RBFOX2: variants seen among roughly 807,000 people sequenced by gnomAD.
RBFOX2 encodes RNA binding protein fox-1 homolog 2.
A neutral mutation model predicts 49.1 loss-of-function variants in RBFOX2; 10 were observed. That is an observed-to-expected ratio of 0.20 (90% CI 0.13 to 0.35). The LOEUF is 0.35. RBFOX2 is among the 10% of genes least tolerant of loss of function. The pLI, the probability that RBFOX2 is intolerant of heterozygous loss-of-function variation, is 1.00. For missense variants in RBFOX2, 323 were observed against 486.9 expected, an observed-to-expected ratio of 0.66 and a Z score of 3.17; for synonymous variants, 183 against 187.4, an observed-to-expected ratio of 0.98 and a Z score of 0.19.
chr22:35,987,081 TA>T (rs922773696), intron 1 of RBFOX2, among the ~76,000 whole-genome samples: 21 of 152,328 alleles, frequency 1.4e-4, no homozygotes, highest in African/African-American at 4.8e-4. Context: ...TTTTGTTTTT[TA>T]GTGACAAGAA....
chr22:35,742,213 CTCTG>C (rs1235200578), exon 12 of RBFOX2: 1 of 152,176 alleles, frequency 6.6e-6, no homozygotes, highest in Non-Finnish European at 1.5e-5. Flanking sequence ...TCCCCTTATT[CTCTG>C]TCTTCCTCCC....
At chr22:35,777,378 C>T (rs976805273) in intron 4 of RBFOX2, among the ~76,000 whole-genome samples, 1 of 152,172 alleles carries the variant, frequency 6.6e-6, no homozygotes, top group African/African-American at 2.4e-5. Context: ...GAGGAAAATA[C>T]ACACGTAAAA....
intron 9 of RBFOX2, chr22:35,752,562 T>C (rs1935346137): frequency 2.2e-6 from 2 of 929,660 alleles, no homozygotes; most frequent in African/African-American, 3.6e-5. Flanking sequence ...TTCAATTTTT[T>C]CACTGCAATC....
At chr22:35,912,504 C>A (rs2149521150) in intron 1 of RBFOX2, among the ~76,000 whole-genome samples, 1 of 152,292 alleles carries the variant, frequency 6.6e-6, no homozygotes, top group East Asian at 1.9e-4. Flanking sequence ...ACAGTGAAAT[C>A]CCCTAAGCTC....
rs1036868829 is a variant in RBFOX2 at position 35,740,516 on chromosome 22, C to T, written c.*3679G>A. ...GGTAACTTATGCTTTTAAAACACCACGACCCCTTCCCCACCCCCCAAAGTC... is the reference window on the plus strand; with the variant it reads ...GGTAACTTATGCTTTTAAAACACCATGACCCCTTCCCCACCCCCCAAAGTC... On this transcript the variant is annotated 3_prime_UTR_variant, in exon 12 of 12. Coordinates refer to ENST00000405409, the Ensembl canonical transcript of RBFOX2. 3.3e-5 allele frequency: 5 copies of T among 152,668 alleles called. No individual in the cohort carries two copies. The South Asian group carries it at 8.3e-4, about 25-fold the overall frequency. The allele number at this position is 152,668 out of a possible 1,614,324, so 9.5% of individuals were successfully genotyped here.
intron 2 of RBFOX2, among the ~76,000 whole-genome samples, chr22:35,805,567 G>A (rs1476088018): frequency 6.6e-6 from 1 of 152,096 alleles, no homozygotes; most frequent in Non-Finnish European, 1.5e-5. Flanking sequence ...GTAGTTTGGT[G>A]GTTTCTTATA....
At chr22:35,897,375 T>C (rs2047982168) in intron 1 of RBFOX2, 4 of 1,136,582 alleles carry the variant, frequency 3.5e-6, no homozygotes, top group Non-Finnish European at 5.4e-6. Flanking sequence ...TGGTGTTGCC[T>C]GAATACCAAG....
intron 1 of RBFOX2, among the ~76,000 whole-genome samples, chr22:35,913,454 A>G (rs1381485503): frequency 6.6e-6 from 1 of 151,224 alleles, no homozygotes; most frequent in Non-Finnish European, 1.5e-5. Context: ...GCCTAACAGG[A>G]TATATATATC....
chr22:35,944,607 T>C (rs1380277728), intron 1 of RBFOX2, among the ~76,000 whole-genome samples: 2 of 152,120 alleles, frequency 1.3e-5, no homozygotes, highest in Non-Finnish European at 2.9e-5. Context: ...TAGCCATAAA[T>C]CCTAAGCATT....
At chr22:35,776,917 G>A (rs1242660428) in intron 4 of RBFOX2, among the ~76,000 whole-genome samples, 1 of 150,696 alleles carries the variant, frequency 6.6e-6, no homozygotes, top group African/African-American at 2.4e-5. Flanking sequence ...GTAAGTCTTT[G>A]CCATTCCCTT....
chr22:35,955,012 G>A (rs920600279), intron 1 of RBFOX2, among the ~76,000 whole-genome samples: 1 of 152,072 alleles, frequency 6.6e-6, no homozygotes, highest in Non-Finnish European at 1.5e-5. Context: ...TTCACACCTT[G>A]GCACGTTCTC....
chr22:35,923,812 GTAAAC>G (rs1264599228), intron 1 of RBFOX2, among the ~76,000 whole-genome samples: 1 of 151,848 alleles, frequency 6.6e-6, no homozygotes, highest in Non-Finnish European at 1.5e-5. Flanking sequence ...AGCAATACCT[GTAAAC>G]TATACAGGAC....
chr22:35,978,877 A>G (rs2057324409), intron 1 of RBFOX2, among the ~76,000 whole-genome samples: 1 of 152,226 alleles, frequency 6.6e-6, no homozygotes. Context: ...TTGGTTCAGG[A>G]AAGAGTAGTC....
At chr22:35,830,830 G>T (rs1192549298) in intron 1 of RBFOX2, among the ~76,000 whole-genome samples, 1 of 151,962 alleles carries the variant, frequency 6.6e-6, no homozygotes, top group Non-Finnish European at 1.5e-5. Context: ...AAAGCAATAA[G>T]GTATAAAATA....
At chr22:35,753,644 A>G (rs1344876002) in intron 9 of RBFOX2, among the ~76,000 whole-genome samples, 2 of 151,998 alleles carry the variant, frequency 1.3e-5, no homozygotes, top group African/African-American at 2.4e-5. Flanking sequence ...AAAAAAACCA[A>G]GAGTATTTTA....
At chr22:35,825,581 T>C (rs1186453165) in intron 1 of RBFOX2, among the ~76,000 whole-genome samples, 2 of 152,230 alleles carry the variant, frequency 1.3e-5, no homozygotes. Context: ...GCAATGAATG[T>C]ACTATTTGTG....
chr22:35,991,139 T>C (rs910667992), intron 1 of RBFOX2, among the ~76,000 whole-genome samples: 5 of 151,586 alleles, frequency 3.3e-5, no homozygotes, highest in Admixed American at 1.3e-4. Context: ...ACCCACCCAC[T>C]AGAAGGGAGA....
intron 1 of RBFOX2, among the ~76,000 whole-genome samples, chr22:35,912,246 G>A (rs2049919602): frequency 6.6e-6 from 1 of 152,200 alleles, no homozygotes; most frequent in Non-Finnish European, 1.5e-5. Flanking sequence ...GTGTGGCAGA[G>A]CTAAATCACA....
chr22:35,765,271 C>T (rs950821581), intron 6 of RBFOX2, 152 bp downstream of exon 7: 9 of 584,352 alleles, frequency 1.5e-5, no homozygotes, highest in African/African-American at 1.4e-4. Flanking sequence ...CAAAGTTATT[C>T]TGTAAAAATA....
Sources: gnomAD v4.1 joint callset for allele counts (sites outside exome capture counted in the v4.1 genomes callset) on GRCh38, gnomAD v4.1.1 for gene constraint, MANE v1.5 for transcripts, NCBI Gene and HGNC (gene_info 2026-07-23, HGNC 2026-07-21) for gene names.